The following PSMB1 variants were observed in gnomAD, a reference collection of about 807,000 sequenced individuals.
PSMB1 encodes the protein proteasome 20S subunit beta 1, also known as proteasome subunit beta type-1.
A neutral mutation model predicts 25.4 loss-of-function variants in PSMB1; 7 were observed. The observed-to-expected ratio is 0.28, with a 90% confidence interval of 0.16 to 0.52. The LOEUF (loss-of-function observed/expected upper bound fraction) is 0.52. PSMB1 is among the 20% of genes least tolerant of loss of function. The pLI, the probability that PSMB1 is intolerant of heterozygous loss-of-function variation, is 0.97. For missense variants in PSMB1, 284 were observed against 302.2 expected (o/e 0.94, Z 0.45); for synonymous variants, 119 against 115.0 (o/e 1.03, Z -0.22).
chr6:170,535,519 C>G (rs1383475582), intron 5 of PSMB1, 114 bp from the exon 6 acceptor site: 2 of 875,380 alleles, frequency 2.3e-6, no homozygotes, highest in Non-Finnish European at 3.4e-6. Context: ...AAATACTACA[C>G]AAAATTAAAA....
Position 170,549,088 on chromosome 6 carries a change from C to A in PSMB1, c.139G>T (p.Asp47Tyr), listed in dbSNP as rs560337777. ...GGTILAIAGE[D>Y]FAIVASDTRL... The stretch of plus-strand genomic sequence containing the variant: ...GTATCAGAAGCAACAATTGCAAAAT[C>A]TTCTCCAGCAATTGCCAGTATAGTA... The change falls in exon 2 of 6, where the codon GAT (aspartate) becomes TAT (tyrosine). Residue 47 changes from aspartate to tyrosine, a missense_variant. Coordinates refer to ENST00000262193, the MANE Select transcript of PSMB1 (RefSeq NM_002793.4). 1 of 1,613,380 alleles carries A rather than the reference C, an allele frequency of 6.2e-7. No individual in the cohort carries two copies. The highest frequency in any genetic ancestry group is 1.7e-5 in the Admixed American group (1 of 60,020).
chr6:170,548,897 C>T (rs1778856897), intron 2 of PSMB1, 109 bp downstream of exon 2: 1 of 792,000 alleles, frequency 1.3e-6, no homozygotes, highest in South Asian at 1.7e-5. Context: ...AAAAATGCTC[C>T]CAACAGCAAC....
intron 3 of PSMB1, 116 bp downstream of exon 3, chr6:170,545,987 A>ATC (rs1317636043): frequency 1.4e-5 from 11 of 797,372 alleles, no homozygotes; most frequent in Non-Finnish European, 2.2e-5. Flanking sequence ...TTTGTAATTC[A>ATC]TCTACTAACC....
At chr6:170,551,705 T>A (rs991424968) in intron 1 of PSMB1, among the ~76,000 whole-genome samples, 2 of 152,174 alleles carry the variant, frequency 1.3e-5, no homozygotes, top group African/African-American at 4.8e-5. Flanking sequence ...TGGAAAAGCA[T>A]CCATAAACTC....
intron 1 of PSMB1, among the ~76,000 whole-genome samples, chr6:170,552,277 C>G (rs994529632): frequency 6.6e-6 from 1 of 152,150 alleles, no homozygotes; most frequent in African/African-American, 2.4e-5. Flanking sequence ...TTTTAATGTA[C>G]AAGGCTTGAT....
At chr6:170,542,243 TAA>T (rs1486870255) in intron 4 of PSMB1, among the ~76,000 whole-genome samples, 1 of 152,124 alleles carries the variant, frequency 6.6e-6, no homozygotes, top group Non-Finnish European at 1.5e-5. Flanking sequence ...GGGCGGATGT[TAA>T]GAGTCAGAGA....
Position 170,537,182 on chromosome 6 carries a change from A to T in PSMB1, c.540+52T>A. 4.2e-6 allele frequency: 6 copies of T among 1,417,218 alleles called. No individual in the cohort carries two copies. In the Admixed American group the frequency reaches 1.0e-4, roughly 24 times the overall value. 87.8% of individuals were successfully genotyped at this position (1,417,218 alleles called of 1,614,324 possible). ...AACTTGGAGGAAGGCACTTCAACTG[A>T]ACACCATGACAAGTTGGACATAGTA... On this transcript the variant is annotated intron_variant, in intron 5 of 5. Coordinates refer to ENST00000262193, the MANE Select transcript of PSMB1 (RefSeq NM_002793.4).
intron 4 of PSMB1, among the ~76,000 whole-genome samples, chr6:170,540,588 CAAAAAA>C (rs5881872): frequency 2.5e-4 from 15 of 61,172 alleles, no homozygotes; most frequent in Admixed American, 6.5e-4. Flanking sequence ...GAATGGACAG[CAAAAAA>C]AAAAAAAAAA....
intron 1 of PSMB1, among the ~76,000 whole-genome samples, chr6:170,552,524 A>G (rs1404361655): frequency 6.6e-6 from 1 of 152,254 alleles, no homozygotes; most frequent in Non-Finnish European, 1.5e-5. Flanking sequence ...ACGTTAAAAA[A>G]AAAAAGCACT....
intron 4 of PSMB1, among the ~76,000 whole-genome samples, chr6:170,540,461 A>T (rs890938339): frequency 6.6e-6 from 1 of 152,038 alleles, no homozygotes; most frequent in East Asian, 1.9e-4. Flanking sequence ...AGATTAAAGA[A>T]ATTCTTCATC....
At position 170,543,674 on chromosome 6, in the gene PSMB1, C is replaced by T; in HGVS notation, c.360G>A (p.Leu120=). The change falls in exon 4 of 6, where the codon CTG becomes CTA. Residue 120 remains leucine (L), a synonymous_variant. Transcript: ENST00000262193. ...AGCGCCTTGAATACAGGATTGTAGA[C>T]AGCATTGCAGCAATTGCCCCCGTAG... The part of the protein sequence containing the change: ...AMTTGAIAAM[L]STILYSRRFF... 1 of 1,611,858 alleles carries T rather than the reference C, an allele frequency of 6.2e-7. No individual in the cohort carries two copies. Among genetic ancestry groups the T allele is most frequent in the Non-Finnish European group, 8.5e-7 (1 of 1,178,158 alleles).
chr6:170,542,495 C>T (rs56993258), intron 4 of PSMB1, among the ~76,000 whole-genome samples: 9,675 of 152,216 alleles, frequency 0.064, 1,053 homozygotes, highest in African/African-American at 0.22. Context: ...CATTCCCAGG[C>T]GCTGACAATG....
At chr6:170,549,149 G>A in intron 1 of PSMB1, 36 bp from the exon 2 acceptor site, 1 of 1,267,756 alleles carries the variant, frequency 7.9e-7, no homozygotes, top group Admixed American at 1.7e-5. Flanking sequence ...TCTCCAGGGT[G>A]GTAATCCTAT....
chr6:170,536,863 A>G (rs1167558101), intron 5 of PSMB1, among the ~76,000 whole-genome samples: 1 of 152,144 alleles, frequency 6.6e-6, no homozygotes, highest in East Asian at 1.9e-4. Flanking sequence ...TATGCTTGGG[A>G]GTTCAAGTAC....
At chr6:170,542,545 T>C (rs1020513020) in intron 4 of PSMB1, among the ~76,000 whole-genome samples, 3 of 152,118 alleles carry the variant, frequency 2.0e-5, no homozygotes, top group African/African-American at 7.2e-5. Flanking sequence ...AAATTACCCC[T>C]GTTGCTAAAC....
intron 4 of PSMB1, 80 bp from the exon 5 acceptor site, chr6:170,537,420 C>A: frequency 8.6e-7 from 1 of 1,161,472 alleles, no homozygotes; most frequent in East Asian, 2.5e-5. Flanking sequence ...CAGGTCAAAA[C>A]GTGACACAAA....
At chr6:170,539,063 G>C (rs1001216823) in intron 4 of PSMB1, among the ~76,000 whole-genome samples, 1 of 151,976 alleles carries the variant, frequency 6.6e-6, no homozygotes, top group Non-Finnish European at 1.5e-5. Flanking sequence ...AAGCAAGAGA[G>C]ACACTAGTAA....
chr6:170,553,076 TCAG>T, intron 1 of PSMB1, 51 bp downstream of exon 1: 2 of 1,472,354 alleles, frequency 1.4e-6, no homozygotes, highest in Non-Finnish European at 1.9e-6. Flanking sequence ...TAAATAGGCT[TCAG>T]CAGATGGGGG....
chr6:170,542,863 A>C (rs942220770), intron 4 of PSMB1, among the ~76,000 whole-genome samples: 1 of 152,118 alleles, frequency 6.6e-6, no homozygotes, highest in Non-Finnish European at 1.5e-5. Flanking sequence ...ATCTCAATGG[A>C]CTACTCTAAA....
Sources: gnomAD v4.1 joint callset for allele counts (sites outside exome capture counted in the v4.1 genomes callset) on GRCh38, gnomAD v4.1.1 for gene constraint, MANE v1.5 for transcripts, NCBI Gene and HGNC (gene_info 2026-07-23, HGNC 2026-07-21) for gene names.